COL4A1: variants seen among roughly 807,000 people sequenced by gnomAD.
COL4A1 encodes collagen type IV alpha 1 chain.
COL4A1 carries 40 observed loss-of-function variants against 216.6 expected under a neutral mutation model. That is an observed-to-expected ratio of 0.18 (90% CI 0.14 to 0.24). COL4A1 has a LOEUF of 0.24. Ranked by LOEUF, COL4A1 falls within the 10% of genes least tolerant of loss-of-function variation. COL4A1 has a pLI of 1.00. For missense variants in COL4A1, 1,628 were observed against 2,196.8 expected (o/e 0.74, Z 5.18); for synonymous variants, 839 against 810.7 (o/e 1.03, Z -0.59).
intron 50 of COL4A1, among the ~76,000 whole-genome samples, chr13:110,154,639 G>A (rs1395059644): frequency 6.6e-6 from 1 of 152,258 alleles, no homozygotes; most frequent in Non-Finnish European, 1.5e-5. Context: ...AGAGAAACCG[G>A]TCATATACAG....
intron 22 of COL4A1, among the ~76,000 whole-genome samples, chr13:110,193,410 G>A (rs1425239613): frequency 1.3e-5 from 2 of 152,248 alleles, no homozygotes; most frequent in Non-Finnish European, 2.9e-5. Flanking sequence ...CAGGACAGAA[G>A]AGGAGAGAGA....
Position 110,181,275 on chromosome 13 carries a change from G to A in COL4A1, c.2193+17C>T. 6.2e-7 allele frequency: 1 copy of A among 1,611,702 alleles called. No individual in the cohort carries two copies. Among genetic ancestry groups the A allele is most frequent in the Non-Finnish European group, 8.5e-7 (1 of 1,177,880 alleles). On this transcript the variant is annotated intron_variant, in intron 29 of 51. Coordinates refer to ENST00000375820, the MANE Select transcript of COL4A1 (RefSeq NM_001845.6). ...GGATGGGGGAGAAGGGTCATGGAGG[G>A]AATGCTTGGCACTCACCTTCTGGCC... is the stretch of plus-strand genomic sequence containing the variant.
chr13:110,214,982 T>A (rs564242571), intron 2 of COL4A1, among the ~76,000 whole-genome samples: 1 of 152,238 alleles, frequency 6.6e-6, no homozygotes, highest in African/African-American at 2.4e-5. Context: ...ATCCTTTATA[T>A]GTACTTAATG....
rs35751015 is a variant in COL4A1, at chr13:110,198,078, G to GGTGTGTGTGTGTGTGT, written c.1285+373_1285+388dup. ...GTAATCCTGTCTTCCTTGTTTCTGG[G>GGTGTGTGTGTGTGTGT]GTGTGTGTGTGTGTGTGTGTGTGTG... On this transcript the variant is annotated intron_variant, in intron 21 of 51. Coordinates refer to ENST00000375820, the MANE Select transcript of COL4A1 (RefSeq NM_001845.6). Among the ~76,000 whole-genome samples, 285 of 141,924 alleles carry GGTGTGTGTGTGTGTGT rather than the reference G, an allele frequency of 2.0e-3. 4 individuals carry two copies. Among genetic ancestry groups the GGTGTGTGTGTGTGTGT allele is most frequent in the East Asian group, 0.019 (90 of 4,740 alleles). The allele number at this position is 141,924 out of a possible 152,430, so 93.1% of individuals were successfully genotyped here. A position where few individuals can be genotyped will look rare whatever the true frequency, so the allele number is the denominator to read the frequency against.
intron 28 of COL4A1, 85 bp from the exon 29 acceptor site, chr13:110,181,474 T>C: frequency 7.7e-7 from 1 of 1,295,592 alleles, no homozygotes; most frequent in South Asian, 1.3e-5. Context: ...CTTTTAGTCT[T>C]GCCCAGAGAT....
intron 2 of COL4A1, among the ~76,000 whole-genome samples, chr13:110,228,402 C>T (rs918277635): frequency 6.6e-5 from 10 of 152,156 alleles, no homozygotes; most frequent in African/African-American, 1.9e-4. Flanking sequence ...TACCCACTTC[C>T]GGGCCTGTCA....
chr13:110,242,882 T>C (rs980758880), intron 1 of COL4A1, 148 bp from the exon 2 acceptor site: 313 of 894,312 alleles, frequency 3.5e-4, no homozygotes, highest in Non-Finnish European at 3.2e-4. Flanking sequence ...CTGGTTTTCA[T>C]GGGGCTGTCA....
intron 1 of COL4A1, among the ~76,000 whole-genome samples, chr13:110,258,257 A>C (rs1054560500): frequency 6.6e-6 from 1 of 152,244 alleles, no homozygotes; most frequent in Non-Finnish European, 1.5e-5. Context: ...ATAAAATTTA[A>C]GCCGGCGCAG....
At position 110,219,967 on chromosome 13, in the gene COL4A1, C is replaced by CATATAT. The variant is rs71127921; in HGVS notation, c.145-5958_145-5953dup. ...GTATATATACACATACATACATATA[C>CATATAT]ATATATATATATATATATTTGAGGC... On this transcript the variant is annotated intron_variant, in intron 2 of 51. Coordinates refer to ENST00000375820, the MANE Select transcript of COL4A1 (RefSeq NM_001845.6). Among the ~76,000 whole-genome samples, 525 of 134,146 alleles carry CATATAT rather than the reference C, an allele frequency of 3.9e-3. 7 individuals carry two copies. The highest frequency in any genetic ancestry group is 0.013 in the African/African-American group (443 of 35,262). 88.0% of individuals were successfully genotyped at this position (134,146 alleles called of 152,430 possible).
intron 1 of COL4A1, among the ~76,000 whole-genome samples, chr13:110,287,985 G>T (rs373783321): frequency 6.6e-5 from 10 of 151,858 alleles, no homozygotes; most frequent in Middle Eastern, 3.2e-3. Context: ...GTCTGGGCGC[G>T]GTGGCTCACG....
Position 110,212,450 on chromosome 13 carries a change from G to A in COL4A1, c.354C>T (p.Gly118=), listed in dbSNP as rs1879852432. 6.2e-7 allele frequency: 1 copy of A among 1,614,058 alleles called. No individual in the cohort carries two copies. The highest frequency in any genetic ancestry group is 8.5e-7 in the Non-Finnish European group (1 of 1,180,028). Reference sequence around the variant, plus strand: ...CATTGCATCCTGGAATACCTGGGGGGCCTGGCGGGCCGTCTTGGCCAGGAA... The same window carrying A: ...CATTGCATCCTGGAATACCTGGGGGACCTGGCGGGCCGTCTTGGCCAGGAA... ...PGIPGQDGPP[G]PPGIPGCNGT... The change falls in exon 6 of 52, where the codon GGC becomes GGT. Residue 118 remains glycine (G), a synonymous_variant. Coordinates refer to ENST00000375820, the MANE Select transcript of COL4A1 (RefSeq NM_001845.6).
intron 1 of COL4A1, among the ~76,000 whole-genome samples, chr13:110,276,080 G>A (rs1347468016): frequency 1.3e-5 from 2 of 151,496 alleles, no homozygotes; most frequent in Admixed American, 6.6e-5. Context: ...GTGACGTGTC[G>A]GTGCAGGTTC....
intron 2 of COL4A1, among the ~76,000 whole-genome samples, chr13:110,231,702 T>C (rs1881071256): frequency 6.6e-6 from 1 of 152,172 alleles, no homozygotes; most frequent in African/African-American, 2.4e-5. Context: ...GGCACTGGGA[T>C]GAGTGGACAT....
At chr13:110,219,661 T>C (rs867400623) in intron 2 of COL4A1, among the ~76,000 whole-genome samples, 4 of 99,832 alleles carry the variant, frequency 4.0e-5, no homozygotes, top group African/African-American at 1.6e-4. Flanking sequence ...TATATATATA[T>C]GTATATATAT....
intron 4 of COL4A1, 29 bp downstream of exon 4, chr13:110,213,753 C>A (rs2139207066): frequency 6.2e-7 from 1 of 1,612,342 alleles, no homozygotes; most frequent in Admixed American, 1.7e-5. Flanking sequence ...CGCATGGAAT[C>A]ATCGATTGTG....
At chr13:110,225,435 T>C (rs1381336523) in intron 2 of COL4A1, among the ~76,000 whole-genome samples, 1 of 152,088 alleles carries the variant, frequency 6.6e-6, no homozygotes, top group Non-Finnish European at 1.5e-5. Context: ...ATACAAAAAT[T>C]AGCCCAGCGT....
chr13:110,301,368 T>C (rs1410677463), intron 1 of COL4A1, among the ~76,000 whole-genome samples: 2 of 152,208 alleles, frequency 1.3e-5, no homozygotes. Flanking sequence ...AGAAGTTATG[T>C]CCTGGCAAGT....
At chr13:110,212,909 T>C (rs1283060309) in intron 4 of COL4A1, among the ~76,000 whole-genome samples, 1 of 152,170 alleles carries the variant, frequency 6.6e-6, no homozygotes, top group Non-Finnish European at 1.5e-5. Context: ...AAAGGTGGAA[T>C]CCATGCACCA....
intron 2 of COL4A1, among the ~76,000 whole-genome samples, chr13:110,235,674 A>G (rs1881287130): frequency 6.8e-6 from 1 of 148,072 alleles, no homozygotes; most frequent in Non-Finnish European, 1.5e-5. Flanking sequence ...AAAAAAAAAG[A>G]AGATATGCAA....
Sources: allele counts gnomAD v4.1 joint callset (sites outside exome capture counted in the v4.1 genomes callset), GRCh38; gene constraint gnomAD v4.1.1; transcripts MANE v1.5; gene names NCBI Gene and HGNC (gene_info 2026-07-23, HGNC 2026-07-21).